Variants in SLC25A22 observed in about 807,000 individuals in gnomAD.
The protein encoded by SLC25A22 is mitochondrial glutamate carrier 1.
SLC25A22 carries 23 observed loss-of-function variants against 33.7 expected under a neutral mutation model. The ratio of observed to expected loss-of-function variants is 0.68; its 90% CI spans 0.49 to 0.97. The LOEUF (loss-of-function observed/expected upper bound fraction) is 0.97, where lower values mean the gene tolerates loss of function less well. SLC25A22 is among the 50% of genes least tolerant of loss of function. SLC25A22 has a pLI of 0.00. For synonymous variants in SLC25A22, 245 were observed against 203.8 expected, an observed-to-expected ratio of 1.20 and a Z score of -1.72; for missense variants, 390 against 451.1, an observed-to-expected ratio of 0.86 and a Z score of 1.23.
At chr11:797,779 C>G in intron 1 of SLC25A22, 1 of 398,666 alleles carries the variant, frequency 2.5e-6, no homozygotes, top group Non-Finnish European at 4.4e-6. Context: ...AAAGGAGAAG[C>G]GGGTTGGGGG....
At chr11:795,378 C>T (rs894599092) in intron 1 of SLC25A22, 2 of 360,916 alleles carry the variant, frequency 5.5e-6, no homozygotes, top group Middle Eastern at 9.2e-4. Context: ...CCCCCCCTCC[C>T]CACCGCCAGC....
rs899728617 is a variant in SLC25A22, at chr11:791,656, T to C, written c.*259A>G. On this transcript the variant is annotated 3_prime_UTR_variant, in exon 10 of 10. Transcript: ENST00000628067. Reference sequence around the variant, plus strand: ...TGGGGGTGTTCAGGCCAGGGCAGGATTGGGGCAGGGGCTAGCTTGAGGAAT... The same window carrying C: ...TGGGGGTGTTCAGGCCAGGGCAGGACTGGGGCAGGGGCTAGCTTGAGGAAT... 3 of 538,574 alleles carry C rather than the reference T, an allele frequency of 5.6e-6. No individual in the cohort carries two copies. The highest frequency in any genetic ancestry group is 3.8e-5 in the African/African-American group (2 of 52,292). 33.4% of individuals were successfully genotyped at this position (538,574 alleles called of 1,614,324 possible).
intron 4 of SLC25A22, 52 bp downstream of exon 4, chr11:794,406 G>T (rs570693233): frequency 6.3e-7 from 1 of 1,592,636 alleles, no homozygotes; most frequent in South Asian, 1.1e-5. Context: ...GCCACGACTC[G>T]CGGGCGCTAC....
In SLC25A22 at chr11:793,540, G is replaced by A; in HGVS notation, c.282C>T (p.Leu94=). 6.2e-7 allele frequency: 1 copy of A among 1,613,644 alleles called. No homozygotes were observed. Among genetic ancestry groups the A allele is most frequent in the Non-Finnish European group, 8.5e-7 (1 of 1,179,982 alleles). ...LAANDFFRHQ[L]SKDGQKLTLL... Reference sequence around the variant, plus strand: ...GGCAGAACCCTCACCCGTCCTTAGAGAGCTGATGTCGGAAGAAGTCGTTGG... The same window carrying A: ...GGCAGAACCCTCACCCGTCCTTAGAAAGCTGATGTCGGAAGAAGTCGTTGG... The change falls in exon 5 of 10, where the codon CTC becomes CTT. Residue 94 remains leucine, a synonymous_variant. Transcript: ENST00000628067.
At chr11:797,246 A>C (rs1180280818) in intron 1 of SLC25A22, among the ~76,000 whole-genome samples, 1 of 152,140 alleles carries the variant, frequency 6.6e-6, no homozygotes, top group East Asian at 1.9e-4. Flanking sequence ...AGTGCAGCGG[A>C]GAGGAGCTTC....
At chr11:796,278 C>T (rs796559375) in intron 1 of SLC25A22, 29 of 136,572 alleles carry the variant, frequency 2.1e-4, no homozygotes, top group African/African-American at 7.5e-4. Context: ...GGCGAGGGGC[C>T]GCAGGGATTG....
At chr11:797,614 C>G (rs1256276011) in intron 1 of SLC25A22, 1 of 398,534 alleles carries the variant, frequency 2.5e-6, no homozygotes, top group African/African-American at 2.1e-5. Flanking sequence ...CCTCCTACCC[C>G]CAAGAAAGGC....
chr11:793,649 A>G (rs1449802534), intron 4 of SLC25A22, 30 bp from the exon 5 acceptor site: 8 of 1,532,736 alleles, frequency 5.2e-6, no homozygotes, highest in South Asian at 1.1e-5. Flanking sequence ...CTGGGGGGAC[A>G]TGCTCGGTGG....
Position 794,782 on chromosome 11 carries a change from G to A in SLC25A22, c.140C>T (p.Thr47Met), listed in dbSNP as rs142220309. ...GACCGCCCGGCACACTCACATGCTC[G>A]TGTACACGCGCTGGCCGTTCTGCTG... is the stretch of plus-strand genomic sequence containing the variant. ...QNQQNGQRVY[T>M]SMSDCLIKTV... The change falls in exon 3 of 10, where the codon ACG (threonine) becomes ATG (methionine). Residue 47 changes from threonine (T) to methionine (M), a missense_variant. Coordinates refer to ENST00000628067, the MANE Select transcript of SLC25A22 (RefSeq NM_001191061.2). 188 of 1,598,408 alleles carry A rather than the reference G, an allele frequency of 1.2e-4. No individual in the cohort carries two copies. In the African/African-American group the frequency reaches 2.1e-3, roughly 18 times the overall value.
Position 791,555 on chromosome 11 carries a change from C to G in SLC25A22, c.*360G>C. On this transcript the variant is annotated 3_prime_UTR_variant, in exon 10 of 10. Coordinates refer to ENST00000628067, the MANE Select transcript of SLC25A22 (RefSeq NM_001191061.2). ...GCCAGGATGGCTGTGGAGACTGGAG[C>G]TGGTGGACTGGGGGTATGGTCCAGC... is the stretch of plus-strand genomic sequence containing the variant. The G allele has an allele frequency of 2.9e-6, 1 of 349,876 alleles. No homozygotes were observed. Among genetic ancestry groups the G allele is most frequent in the East Asian group, 6.5e-5 (1 of 15,276 alleles). The allele number at this position is 349,876 out of a possible 1,614,324, so 21.7% of individuals were successfully genotyped here. A position where few individuals can be genotyped will look rare whatever the true frequency, so the allele number is the denominator to read the frequency against.
At chr11:794,400 C>G in intron 4 of SLC25A22, 58 bp downstream of exon 4, 2 of 1,586,268 alleles carry the variant, frequency 1.3e-6, no homozygotes, top group South Asian at 2.3e-5. Context: ...CTCCCTGCCA[C>G]GACTCGCGGG....
chr11:793,969 T>C, intron 4 of SLC25A22: 3 of 473,048 alleles, frequency 6.3e-6, no homozygotes, highest in Non-Finnish European at 1.2e-5. Flanking sequence ...GGCAGGGGGC[T>C]GGGGCCAGAG....
intron 1 of SLC25A22, chr11:797,995 T>C: frequency 2.5e-6 from 1 of 398,400 alleles, no homozygotes; most frequent in Non-Finnish European, 4.4e-6. Flanking sequence ...GACACGTATG[T>C]GCGGGGAGCG....
At position 798,238 on chromosome 11, in the gene SLC25A22, G is replaced by A. The variant is rs368539461; in HGVS notation, c.-185C>T. On this transcript the variant is annotated 5_prime_UTR_variant, in exon 1 of 10. Coordinates refer to ENST00000628067, the MANE Select transcript of SLC25A22 (RefSeq NM_001191061.2). ...TCACCACGCTCGCCGCCGCCGCCGC[G>A]CTCGCCTGCCCGCCCCGCGCTCGGC... 1 of 393,156 alleles carries A rather than the reference G, an allele frequency of 2.5e-6. No homozygotes were observed. The highest frequency in any genetic ancestry group is 4.5e-6 in the Non-Finnish European group (1 of 222,780). The allele number at this position is 393,156 out of a possible 1,614,324, so 24.4% of individuals were successfully genotyped here.
Position 792,950 on chromosome 11 carries a change from C to T in SLC25A22, c.332G>A (p.Cys111Tyr), listed in dbSNP as rs1192081697. 6.2e-7 allele frequency: 1 copy of T among 1,613,434 alleles called. No individual in the cohort carries two copies. Among genetic ancestry groups the T allele is most frequent in the Non-Finnish European group, 8.5e-7 (1 of 1,179,974 alleles). Reference sequence around the variant, plus strand: ...GATCACCTGGCAGGTGCCAGCCCCACAGCCCGCCAGCATCTCTTTAAGCAG... The same window carrying T: ...GATCACCTGGCAGGTGCCAGCCCCATAGCCCGCCAGCATCTCTTTAAGCAG... The part of the protein sequence containing the change: ...LTLLKEMLAG[C>Y]GAGTCQVIVT... The change falls in exon 6 of 10, where the codon TGT becomes TAT. Residue 111 changes from cysteine to tyrosine, a missense_variant. Cys to Tyr is a radical substitution (Grantham distance 194). Transcript: ENST00000628067.
intron 1 of SLC25A22, chr11:797,836 G>A (rs1238963893): frequency 2.3e-5 from 9 of 398,600 alleles, no homozygotes; most frequent in Admixed American, 1.3e-4. Flanking sequence ...CCCTACTGCT[G>A]GGGCTCAGCC....
At chr11:793,932 C>T in intron 4 of SLC25A22, 1 of 495,306 alleles carries the variant, frequency 2.0e-6, no homozygotes, top group South Asian at 2.0e-5. Context: ...ACCTCTCCCT[C>T]CCTGGAGGAC....
chr11:792,806 C>A, intron 6 of SLC25A22, 64 bp downstream of exon 6: 1 of 1,551,220 alleles, frequency 6.4e-7, no homozygotes, highest in Non-Finnish European at 8.7e-7. Context: ...TGCGTCCCCA[C>A]CCTCCCCTCG....
rs1864510945 is a variant in SLC25A22 at position 791,428 on chromosome 11, C to T, written c.*487G>A. ...GCTGGCCAGGGAGGCAGAGTCAAGTCCTGCCAAGGCGACAAGAGCGGCTGG... is the reference window on the plus strand; with the variant it reads ...GCTGGCCAGGGAGGCAGAGTCAAGTTCTGCCAAGGCGACAAGAGCGGCTGG... On this transcript the variant is annotated 3_prime_UTR_variant, in exon 10 of 10. Coordinates refer to ENST00000628067, the MANE Select transcript of SLC25A22 (RefSeq NM_001191061.2). 5.2e-6 allele frequency: 1 copy of T among 190,544 alleles called. No individual in the cohort carries two copies. The highest frequency in any genetic ancestry group is 1.1e-5 in the Non-Finnish European group (1 of 90,734). The allele number at this position is 190,544 out of a possible 1,614,324, so 11.8% of individuals were successfully genotyped here.
Sources: gnomAD v4.1 joint callset for allele counts (sites outside exome capture counted in the v4.1 genomes callset) on GRCh38, gnomAD v4.1.1 for gene constraint, MANE v1.5 for transcripts, NCBI Gene and HGNC (gene_info 2026-07-23, HGNC 2026-07-21) for gene names.